MLIP: variants seen among roughly 807,000 people sequenced by gnomAD.
The protein encoded by MLIP is muscular LMNA interacting protein.
A neutral mutation model predicts 84.8 loss-of-function variants in MLIP; 79 were observed. The ratio of observed to expected loss-of-function variants is 0.93; its 90% confidence interval spans 0.78 to 1.12. MLIP has a LOEUF of 1.12. Among genes scored for constraint, MLIP ranks in the 50% most tolerant of loss-of-function variants. The pLI, the probability that MLIP is intolerant of heterozygous loss-of-function variation, is 0.00. For synonymous variants in MLIP, 504 were observed against 463.0 expected (o/e 1.09, Z -1.14); for missense variants, 1,257 against 1,160.6 (o/e 1.08, Z -1.21).
intron 8 of MLIP, among the ~76,000 whole-genome samples, chr6:54,168,805 T>A (rs1775462286): frequency 6.7e-6 from 1 of 150,318 alleles, no homozygotes; most frequent in South Asian, 2.1e-4. Flanking sequence ...GCTTCTCAGA[T>A]ACAAGTATGG....
intron 1 of MLIP, chr6:54,099,482 C>G (rs1224246136): frequency 6.6e-6 from 1 of 152,018 alleles, no homozygotes; most frequent in Non-Finnish European, 1.5e-5. Context: ...TCGCCCATCT[C>G]CTACACAGTC....
At chr6:54,170,035 T>C (rs1271773559) in intron 9 of MLIP, among the ~76,000 whole-genome samples, 1 of 151,184 alleles carries the variant, frequency 6.6e-6, no homozygotes, top group Non-Finnish European at 1.5e-5. Flanking sequence ...TGAGCAAAAG[T>C]GGATAGATAT....
chr6:54,265,418 A>G (rs935530940), intron 13 of MLIP, among the ~76,000 whole-genome samples: 1 of 152,090 alleles, frequency 6.6e-6, no homozygotes, highest in African/African-American at 2.4e-5. Context: ...CACAGAGCAA[A>G]ATTGTAAGAT....
chr6:54,262,659 G>T (rs1783462692), intron 13 of MLIP, among the ~76,000 whole-genome samples: 1 of 152,008 alleles, frequency 6.6e-6, no homozygotes, highest in South Asian at 2.1e-4. Flanking sequence ...TAAAGGACAT[G>T]GTTCTCAAGT....
intron 1 of MLIP, among the ~76,000 whole-genome samples, chr6:54,088,406 C>T (rs1767638958): frequency 6.6e-6 from 1 of 150,456 alleles, no homozygotes; most frequent in African/African-American, 2.4e-5. Flanking sequence ...ATCTTGATGC[C>T]AGAGTTAAAC....
At chr6:54,232,926 T>C (rs1006601963) in intron 12 of MLIP, among the ~76,000 whole-genome samples, 1 of 152,182 alleles carries the variant, frequency 6.6e-6, no homozygotes, top group Non-Finnish European at 1.5e-5. Context: ...CAACAGGTTG[T>C]ATTCTTCTTC....
At chr6:54,227,954 C>A (rs531370264) in intron 11 of MLIP, among the ~76,000 whole-genome samples, 3 of 151,954 alleles carry the variant, frequency 2.0e-5, no homozygotes, top group African/African-American at 4.8e-5. Flanking sequence ...GAGGCCGAGG[C>A]GAGCGGATCA....
chr6:54,174,499 A>C (rs560026421), intron 9 of MLIP, among the ~76,000 whole-genome samples: 1 of 152,102 alleles, frequency 6.6e-6, no homozygotes, highest in African/African-American at 2.4e-5. Context: ...CTGATGATCA[A>C]TGATGTTGAG....
At chr6:54,141,395 C>T (rs1165241403) in intron 4 of MLIP, among the ~76,000 whole-genome samples, 1 of 147,910 alleles carries the variant, frequency 6.8e-6, no homozygotes, top group Admixed American at 7.0e-5. Flanking sequence ...CAACCTCTGC[C>T]TCCTGGGTTC....
At chr6:54,134,569 A>G (rs769417778) in intron 3 of MLIP, among the ~76,000 whole-genome samples, 33 of 151,974 alleles carry the variant, frequency 2.2e-4, no homozygotes, top group Non-Finnish European at 2.4e-4. Context: ...ATTAAAAAGT[A>G]TAATAAAATT....
intron 1 of MLIP, among the ~76,000 whole-genome samples, chr6:54,080,131 C>G (rs1029888065): frequency 2.0e-5 from 3 of 152,148 alleles, no homozygotes; most frequent in African/African-American, 7.2e-5. Flanking sequence ...CAGAACTTTT[C>G]CACTGGGTCC....
upstream of MLIP, chr6:54,111,360 C>A: frequency 6.9e-7 from 1 of 1,442,512 alleles, no homozygotes; most frequent in African/African-American, 1.4e-5. Flanking sequence ...TTTGGAATGA[C>A]TCTGCTTTAC....
At chr6:54,032,645 T>A (rs147843798) in intron 1 of MLIP, among the ~76,000 whole-genome samples, 150 of 152,252 alleles carry the variant, frequency 9.9e-4, no homozygotes, top group Non-Finnish European at 1.9e-3. Context: ...CCCCTGCCTC[T>A]TGGGTTTAAG....
chr6:54,216,573 C>A (rs1427828878), intron 11 of MLIP: 1 of 979,754 alleles, frequency 1.0e-6, no homozygotes, highest in African/African-American at 1.7e-5. Context: ...TATCCAAATT[C>A]TATCTTAAAA....
At chr6:54,239,071 C>T (rs980817994) in intron 12 of MLIP, among the ~76,000 whole-genome samples, 20 of 152,098 alleles carry the variant, frequency 1.3e-4, no homozygotes, top group African/African-American at 4.8e-4. Flanking sequence ...CTAGATTTCT[C>T]TAGCCTTTCC....
At chr6:54,174,576 G>C (rs1358672050) in intron 9 of MLIP, among the ~76,000 whole-genome samples, 1 of 151,824 alleles carries the variant, frequency 6.6e-6, no homozygotes, top group Non-Finnish European at 1.5e-5. Context: ...GAAATCTTTT[G>C]CCGATTTTAA....
At chr6:54,021,320 T>C (rs890300227) in intron 1 of MLIP, among the ~76,000 whole-genome samples, 2 of 152,208 alleles carry the variant, frequency 1.3e-5, no homozygotes, top group African/African-American at 2.4e-5. Flanking sequence ...TAAATATGTG[T>C]ACATTATAAT....
chr6:54,066,177 A>G (rs1192704985), intron 1 of MLIP, among the ~76,000 whole-genome samples: 1 of 99,770 alleles, frequency 1.0e-5, no homozygotes, highest in African/African-American at 2.6e-5. Context: ...CAAATTATTT[A>G]CTTAGAATGA....
intron 1 of MLIP, among the ~76,000 whole-genome samples, chr6:54,040,307 T>C (rs1005578113): frequency 7.3e-5 from 11 of 151,706 alleles, no homozygotes; most frequent in Non-Finnish European, 1.6e-4. Context: ...TAACAATAAA[T>C]AGAAAAAGAA....
Sources: allele counts gnomAD v4.1 joint callset (sites outside exome capture counted in the v4.1 genomes callset), GRCh38; gene constraint gnomAD v4.1.1; transcripts MANE v1.5; gene names NCBI Gene and HGNC (gene_info 2026-07-23, HGNC 2026-07-21).